Variants in ADARB2 observed in about 807,000 individuals in gnomAD.
The protein encoded by ADARB2 is adenosine deaminase RNA specific B2 (inactive), also known as inactive double-stranded RNA-specific editase B2.
ADARB2 carries 25 observed loss-of-function variants against 62.2 expected under a neutral mutation model. The observed-to-expected ratio is 0.40, with a 90% CI of 0.29 to 0.56. The LOEUF (loss-of-function observed/expected upper bound fraction) is 0.56. Ranked by LOEUF, ADARB2 falls within the 20% of genes least tolerant of loss-of-function variation. The probability of loss-of-function intolerance (pLI) is 0.43; values close to 1 mark genes in which losing one functional copy is unlikely to be tolerated. For missense variants in ADARB2, 1,071 were observed against 1,077.4 expected (o/e 0.99, Z 0.08); for synonymous variants, 572 against 500.8 (o/e 1.14, Z -1.90).
At chr10:1,662,429 A>C (rs958936020) in intron 1 of ADARB2, among the ~76,000 whole-genome samples, 3 of 151,986 alleles carry the variant, frequency 2.0e-5, no homozygotes, top group African/African-American at 7.3e-5. Flanking sequence ...CCCTTCCCCC[A>C]CCCAGAGCCT....
intron 4 of ADARB2, among the ~76,000 whole-genome samples, chr10:1,269,134 T>C (rs1220560371): frequency 1.4e-5 from 2 of 148,080 alleles, no homozygotes; most frequent in Admixed American, 1.4e-4. Context: ...CTACCCTTCC[T>C]CCTTTCCTTT....
chr10:1,661,934 T>A (rs983630844), intron 1 of ADARB2, among the ~76,000 whole-genome samples: 1 of 152,068 alleles, frequency 6.6e-6, no homozygotes, highest in African/African-American at 2.4e-5. Flanking sequence ...TAAATCAGGC[T>A]GAAGAAAGGG....
Position 1,182,292 on chromosome 10 carries a change from T to C in ADARB2, c.*901A>G, listed in dbSNP as rs1053034186. The C allele has an allele frequency of 1.3e-5, 2 of 152,436 alleles. No individual in the cohort carries two copies. The highest frequency in any genetic ancestry group is 2.9e-5 in the Non-Finnish European group (2 of 68,180). 9.4% of individuals were successfully genotyped at this position (152,436 alleles called of 1,614,324 possible). A position where few individuals can be genotyped will look rare whatever the true frequency, so the allele number is the denominator to read the frequency against. On this transcript the variant is annotated 3_prime_UTR_variant, in exon 10 of 10. Transcript: ENST00000381312. Reference sequence around the variant, plus strand: ...ACACAACCCAGACCTCAGTGGCTCTTAGTATCGGCCACCATAAACCAAACG... The same window carrying C: ...ACACAACCCAGACCTCAGTGGCTCTCAGTATCGGCCACCATAAACCAAACG...
rs188020623 is a variant in ADARB2 at position 1,594,158 on chromosome 10, C to T, written c.100+142893G>A. 4.5e-3 allele frequency among the ~76,000 whole-genome samples: 679 copies of T among 152,140 alleles called. 6 individuals are homozygous for T. The highest frequency in any genetic ancestry group is 0.015 in the African/African-American group (633 of 41,488). ...TACAAAAATTAGCCAGGCATGGTGG[C>T]GGGCGCCTGTAATCCCAGCTACTCG... On this transcript the variant is annotated intron_variant, in intron 1 of 9. Transcript: ENST00000381312.
At chr10:1,395,207 C>G (rs1832601093) in intron 1 of ADARB2, among the ~76,000 whole-genome samples, 1 of 152,182 alleles carries the variant, frequency 6.6e-6, no homozygotes. Flanking sequence ...CAAGCCTAAT[C>G]TGTTCTTTCT....
chr10:1,548,245 G>A (rs11250609), intron 1 of ADARB2, among the ~76,000 whole-genome samples: 48,629 of 152,018 alleles, frequency 0.32, 8,663 homozygotes, highest in Non-Finnish European at 0.4. Flanking sequence ...GCCCATTCCC[G>A]CAACTCACTG....
At chr10:1,352,413 A>G (rs1832152690) in intron 3 of ADARB2, among the ~76,000 whole-genome samples, 1 of 152,166 alleles carries the variant, frequency 6.6e-6, no homozygotes, top group Admixed American at 6.5e-5. Flanking sequence ...ACAGCTTTAG[A>G]GACTGCCGCC....
intron 4 of ADARB2, among the ~76,000 whole-genome samples, chr10:1,243,630 C>T (rs189900230): frequency 3.3e-5 from 5 of 152,346 alleles, no homozygotes; most frequent in Admixed American, 2.6e-4. Flanking sequence ...CAGCAGCTAC[C>T]AGTGACAGCC....
chr10:1,249,618 A>G (rs527833812), intron 4 of ADARB2, among the ~76,000 whole-genome samples: 50 of 147,478 alleles, frequency 3.4e-4, no homozygotes, highest in African/African-American at 1.2e-3. Context: ...GATTTTATGC[A>G]CACACACACA....
At chr10:1,430,988 T>G (rs1213206493) in intron 1 of ADARB2, among the ~76,000 whole-genome samples, 1 of 152,206 alleles carries the variant, frequency 6.6e-6, no homozygotes, top group South Asian at 2.1e-4. Flanking sequence ...AACACCCTAC[T>G]GTCAGTAATT....
chr10:1,300,593 C>G (rs76897791), intron 3 of ADARB2, among the ~76,000 whole-genome samples: 4,128 of 152,304 alleles, frequency 0.027, 82 homozygotes, highest in Non-Finnish European at 0.041. Context: ...TACTGAAGAC[C>G]TGTTCAAAAT....
intron 1 of ADARB2, among the ~76,000 whole-genome samples, chr10:1,439,457 C>T (rs1830875668): frequency 7.4e-6 from 1 of 134,398 alleles, no homozygotes; most frequent in African/African-American, 2.9e-5. Context: ...GTCTCCTCAG[C>T]AGATGGAGGC....
intron 1 of ADARB2, among the ~76,000 whole-genome samples, chr10:1,594,339 G>A (rs193034879): frequency 4.1e-4 from 62 of 152,156 alleles, no homozygotes; most frequent in African/African-American, 1.4e-3. Context: ...CAAAAACCAC[G>A]TCTGCGTGAC....
rs1050864741 is a variant in ADARB2, at chr10:1,360,247, C to T, written c.1077+2781G>A. Among the ~76,000 whole-genome samples the T allele has an allele frequency of 2.1e-4, 32 of 152,208 alleles. 1 individual carries two copies. The highest frequency in any genetic ancestry group is 7.7e-4 in the African/African-American group (32 of 41,466). Reference sequence around the variant, plus strand: ...GACGGACTCCGGGAGGGCGGCCTTTCCCCCCAGCCCCAGAGGTGGGCCTGC... The same window carrying T: ...GACGGACTCCGGGAGGGCGGCCTTTTCCCCCAGCCCCAGAGGTGGGCCTGC... On this transcript the variant is annotated intron_variant, in intron 3 of 9. Coordinates refer to ENST00000381312, the MANE Select transcript of ADARB2 (RefSeq NM_018702.4).
chr10:1,696,198 C>G (rs1450570969), intron 1 of ADARB2, among the ~76,000 whole-genome samples: 1 of 149,408 alleles, frequency 6.7e-6, no homozygotes, highest in Non-Finnish European at 1.5e-5. Context: ...ATATATGTGT[C>G]ACGTTTATAT....
At chr10:1,310,987 G>T (rs1008083004) in intron 3 of ADARB2, among the ~76,000 whole-genome samples, 2 of 152,230 alleles carry the variant, frequency 1.3e-5, no homozygotes, top group African/African-American at 4.8e-5. Flanking sequence ...TTATTCACAT[G>T]ATGTTGCCAC....
chr10:1,627,373 T>C (rs182570030), intron 1 of ADARB2, among the ~76,000 whole-genome samples: 336 of 152,328 alleles, frequency 2.2e-3, no homozygotes, highest in Admixed American at 5.2e-3. Context: ...ATTCTTTCTC[T>C]TGATTGCCTT....
chr10:1,505,010 T>C (rs925245349), intron 1 of ADARB2, among the ~76,000 whole-genome samples: 1 of 149,180 alleles, frequency 6.7e-6, no homozygotes, highest in African/African-American at 2.5e-5. Flanking sequence ...GCACACATGA[T>C]GCACAAACAC....
intron 1 of ADARB2, among the ~76,000 whole-genome samples, chr10:1,388,674 C>T (rs1832544113): frequency 6.6e-6 from 1 of 152,084 alleles, no homozygotes; most frequent in African/African-American, 2.4e-5. Context: ...ACATGCCAAA[C>T]CTCTACACTC....
Sources: gnomAD v4.1 joint callset for allele counts (sites outside exome capture counted in the v4.1 genomes callset) on GRCh38, gnomAD v4.1.1 for gene constraint, MANE v1.5 for transcripts, NCBI Gene and HGNC (gene_info 2026-07-23, HGNC 2026-07-21) for gene names.